Variants in PHACTR2 observed in about 807,000 individuals in gnomAD.
PHACTR2 encodes phosphatase and actin regulator 2, also known as chromosome 6 open reading frame 56.
Under a neutral mutation model 76.0 loss-of-function variants are expected in PHACTR2, and 30 were observed. That is an observed-to-expected ratio of 0.39 (90% confidence interval 0.30 to 0.54). The LOEUF (loss-of-function observed/expected upper bound fraction) is 0.54. Ranked by LOEUF, PHACTR2 falls within the 20% of genes least tolerant of loss-of-function variation. The probability of loss-of-function intolerance (pLI) is 0.61; values close to 1 mark genes in which losing one functional copy is unlikely to be tolerated. For synonymous variants in PHACTR2, 292 were observed against 292.5 expected (o/e 1.00, Z 0.02); for missense variants, 696 against 781.1 (o/e 0.89, Z 1.30).
Position 143,803,964 on chromosome 6 carries a change from C to T in PHACTR2, c.1846-3093C>T, listed in dbSNP as rs1582897501. 1.3e-5 allele frequency among the ~76,000 whole-genome samples: 2 copies of T among 152,316 alleles called. No homozygotes were observed. The highest frequency in any genetic ancestry group is 3.9e-4 in the East Asian group (2 of 5,176). On this transcript the variant is annotated intron_variant, in intron 11 of 12. Coordinates refer to ENST00000440869, the MANE Select transcript of PHACTR2 (RefSeq NM_001100164.2). This position sits in a 1 kb window ranked among gnomAD's most constrained non-coding sequence, Gnocchi z 4.7. ...AGGGTTAATGCGCATCTCTCTCTAG[C>T]AAGTCATGTGACCTCTCTAGGCCTC...
At position 143,537,137 on chromosome 6, in the gene PHACTR2, C is replaced by A; in HGVS notation, c.147C>A (p.Gly49=). The change falls in exon 1 of 12, where the codon GGC becomes GGA. Residue 49 remains glycine, a synonymous_variant. Transcript: ENST00000367584. The surrounding 1 kb of genome is among the most constrained non-coding windows in gnomAD (Gnocchi z 4.4). ...TTCCCGGGGACCCGAGCCCCCGCGGCCGCTCACAGAGCGACCTCTCGTCGT... is the reference window on the plus strand; with the variant it reads ...TTCCCGGGGACCCGAGCCCCCGCGGACGCTCACAGAGCGACCTCTCGTCGT... 3.1e-6 allele frequency: 1 copy of A among 326,298 alleles called. No homozygotes were observed. The highest frequency in any genetic ancestry group is 3.4e-5 in the South Asian group (1 of 29,146). 20.2% of individuals were successfully genotyped at this position (326,298 alleles called of 1,614,324 possible).
At position 143,828,064 on chromosome 6, in the gene PHACTR2, C is replaced by T. The variant is rs934870237; in HGVS notation, c.*4375C>T. 6.6e-6 allele frequency: 1 copy of T among 151,978 alleles called. No homozygotes were observed. Among genetic ancestry groups the T allele is most frequent in the African/African-American group, 2.4e-5 (1 of 41,356 alleles). 9.4% of individuals were successfully genotyped at this position (151,978 alleles called of 1,614,324 possible). Reference sequence around the variant, plus strand: ...ACTTGGGAGGCTGAGGCAGGGAAATCGCTTAAACCCGGGAGGTGGAGGTTG... The same window carrying T: ...ACTTGGGAGGCTGAGGCAGGGAAATTGCTTAAACCCGGGAGGTGGAGGTTG... On this transcript the variant is annotated 3_prime_UTR_variant, in exon 13 of 13. Coordinates refer to ENST00000440869, the MANE Select transcript of PHACTR2 (RefSeq NM_001100164.2). This position sits in a 1 kb window ranked among gnomAD's most constrained non-coding sequence, Gnocchi z 4.7.
intron 1 of PHACTR2, among the ~76,000 whole-genome samples, chr6:143,691,041 G>A (rs1170111576): frequency 6.6e-6 from 1 of 152,110 alleles, no homozygotes; most frequent in East Asian, 1.9e-4. Context: ...CTGATTGCTG[G>A]GTCCCATATT....
intron 1 of PHACTR2, among the ~76,000 whole-genome samples, chr6:143,665,370 T>C (rs56088548): frequency 0.018 from 2,812 of 152,314 alleles, 86 homozygotes; most frequent in African/African-American, 0.062. Flanking sequence ...TGTTTAGGTA[T>C]ACATTGATTT....
Position 143,643,301 on chromosome 6 carries a change from G to A in PHACTR2, c.13+34979G>A, listed in dbSNP as rs188323660. 2.2e-3 allele frequency among the ~76,000 whole-genome samples: 334 copies of A among 152,220 alleles called. 2 individuals are homozygous for A. Among genetic ancestry groups the A allele is most frequent in the African/African-American group, 7.6e-3 (314 of 41,530 alleles). The stretch of plus-strand genomic sequence containing the variant: ...CAAACCAAATTTAACGTCCCTTCTA[G>A]TTGGAGAATTTTTAGTGGTTCGATT... On this transcript the variant is annotated intron_variant, in intron 1 of 11. Coordinates refer to the PHACTR2 transcript ENST00000305766.
chr6:143,769,050 T>A (rs1396446335), intron 6 of PHACTR2, among the ~76,000 whole-genome samples: 1 of 152,228 alleles, frequency 6.6e-6, no homozygotes, highest in Non-Finnish European at 1.5e-5. Flanking sequence ...TTATGTTTCA[T>A]CAACTAATGT....
intron 12 of PHACTR2, among the ~76,000 whole-genome samples, chr6:143,814,930 T>C (rs1018405170): frequency 2.0e-5 from 3 of 152,176 alleles, no homozygotes; most frequent in African/African-American, 4.8e-5. Flanking sequence ...AGCAATGATC[T>C]CATTCTATAC....
Position 143,765,219 on chromosome 6 carries a change from T to G in PHACTR2, c.695-42T>G. 1 of 1,474,474 alleles carries G rather than the reference T, an allele frequency of 6.8e-7. No individual in the cohort carries two copies. Among genetic ancestry groups the G allele is most frequent in the Non-Finnish European group, 9.3e-7 (1 of 1,078,132 alleles). The allele number at this position is 1,474,474 out of a possible 1,614,324, so 91.3% of individuals were successfully genotyped here. On this transcript the variant is annotated intron_variant, in intron 5 of 12. Coordinates refer to ENST00000440869, the MANE Select transcript of PHACTR2 (RefSeq NM_001100164.2). The surrounding 1 kb of genome is among the most constrained non-coding windows in gnomAD (Gnocchi z 4.1). ...CTTGGTTACTTTATTTTAAAAAGCA[T>G]TGTATTCTTTGATTTTTTAATGCAA...
At chr6:143,586,245 A>G (rs1377706873) in intron 1 of PHACTR2, among the ~76,000 whole-genome samples, 1 of 152,210 alleles carries the variant, frequency 6.6e-6, no homozygotes, top group Non-Finnish European at 1.5e-5. Flanking sequence ...TGTAACTAAT[A>G]GTCCTGCTGT....
Position 143,549,215 on chromosome 6 carries a change from A to T in PHACTR2, c.217+12008A>T, listed in dbSNP as rs1414919397. ...TCTCCTCATTCCTTCAGGAAGATTA[A>T]TAGTGGGCCTCACATGGCAGATCAG... On this transcript the variant is annotated intron_variant, in intron 1 of 11. Coordinates refer to the PHACTR2 transcript ENST00000367584. This position sits in a 1 kb window ranked among gnomAD's most constrained non-coding sequence, Gnocchi z 4.2. 6.6e-6 allele frequency among the ~76,000 whole-genome samples: 1 copy of T among 151,980 alleles called. No homozygotes were observed. Among genetic ancestry groups the T allele is most frequent in the African/African-American group, 2.4e-5 (1 of 41,406 alleles).
Position 143,624,127 on chromosome 6 carries a change from T to C in PHACTR2, c.13+15805T>C, listed in dbSNP as rs1010772177. The stretch of plus-strand genomic sequence containing the variant: ...TTTTTTTTGTTTGTTTGTTTGTTTT[T>C]AGACAGTATTGCTCTTTTGCCCAGG... On this transcript the variant is annotated intron_variant, in intron 1 of 11. Transcript: ENST00000305766. This position sits in a 1 kb window ranked among gnomAD's most constrained non-coding sequence, Gnocchi z 4.6. Among the ~76,000 whole-genome samples, 7 of 151,684 alleles carry C rather than the reference T, an allele frequency of 4.6e-5. No individual in the cohort carries two copies. The highest frequency in any genetic ancestry group is 1.7e-4 in the African/African-American group (7 of 41,380).
At position 143,654,067 on chromosome 6, in the gene PHACTR2, C is replaced by T. The variant is rs920612940; in HGVS notation, c.13+45745C>T. Among the ~76,000 whole-genome samples, 1 of 152,128 alleles carries T rather than the reference C, an allele frequency of 6.6e-6. No individual in the cohort carries two copies. Among genetic ancestry groups the T allele is most frequent in the Non-Finnish European group, 1.5e-5 (1 of 68,032 alleles). On this transcript the variant is annotated intron_variant, in intron 1 of 11. Coordinates refer to the PHACTR2 transcript ENST00000305766. This position sits in a 1 kb window ranked among gnomAD's most constrained non-coding sequence, Gnocchi z 4.6. ...GGGCAAAGGATTTGAAAAGACATTT[C>T]TCCAAAGAAGATATTCAGATATCTA... is the stretch of plus-strand genomic sequence containing the variant.
intron 1 of PHACTR2, among the ~76,000 whole-genome samples, chr6:143,669,121 C>T (rs188254071): frequency 1.4e-4 from 21 of 152,188 alleles, no homozygotes; most frequent in African/African-American, 3.4e-4. Context: ...GCCTTAATTT[C>T]GTTATTTACC....
chr6:143,804,924 A>C (rs1341407996), intron 11 of PHACTR2, among the ~76,000 whole-genome samples: 1 of 152,220 alleles, frequency 6.6e-6, no homozygotes, highest in Non-Finnish European at 1.5e-5. Flanking sequence ...ACAGTGTACA[A>C]AGCACTTTCA....
At chr6:143,676,374 C>T (rs1192590549), upstream of PHACTR2, among the ~76,000 whole-genome samples, 1 of 152,148 alleles carries the variant, frequency 6.6e-6, no homozygotes, top group Non-Finnish European at 1.5e-5. The surrounding 1 kb of genome is among the most constrained non-coding windows in gnomAD (Gnocchi z 4.8). Flanking sequence ...GAAATGATAG[C>T]AACCTTAAAG....
chr6:143,799,454 T>A (rs1562312128), intron 11 of PHACTR2, among the ~76,000 whole-genome samples: 1 of 152,222 alleles, frequency 6.6e-6, no homozygotes, highest in African/African-American at 2.4e-5. Context: ...TTCTTGCTTC[T>A]CCAGTTCTTT....
At chr6:143,577,565 T>C (rs887153163) in intron 1 of PHACTR2, among the ~76,000 whole-genome samples, 1 of 152,146 alleles carries the variant, frequency 6.6e-6, no homozygotes, top group Non-Finnish European at 1.5e-5. Flanking sequence ...CGTGTGAGTT[T>C]TCAGTTTCGC....
At chr6:143,727,651 C>A (rs1778604258) in intron 2 of PHACTR2, among the ~76,000 whole-genome samples, 1 of 152,176 alleles carries the variant, frequency 6.6e-6, no homozygotes, top group Admixed American at 6.5e-5. Context: ...TGATAATAGC[C>A]ATGCTAACTG....
chr6:143,692,282 A>ATT (rs1471423503), intron 1 of PHACTR2, among the ~76,000 whole-genome samples: 1 of 152,124 alleles, frequency 6.6e-6, no homozygotes, highest in Non-Finnish European at 1.5e-5. Context: ...GTTTTTCAAA[A>ATT]TTTCTTCTGC....
Sources: gnomAD v4.1 joint callset for allele counts (sites outside exome capture counted in the v4.1 genomes callset) on GRCh38, gnomAD v4.1.1 for gene constraint, Gnocchi (gnomAD v3.1) non-coding constraint, MANE v1.5 for transcripts, NCBI Gene and HGNC (gene_info 2026-07-23, HGNC 2026-07-21) for gene names.